DPY19L1: variants seen among roughly 807,000 people sequenced by gnomAD.
The protein encoded by DPY19L1 is dpy-19 like C-mannosyltransferase 1, also known as protein C-mannosyl-transferase DPY19L1.
In DPY19L1, 35 loss-of-function variants were observed where a neutral mutation model predicts 96.9. The ratio of observed to expected loss-of-function variants is 0.36; its 90% CI spans 0.28 to 0.48. The LOEUF (loss-of-function observed/expected upper bound fraction) is 0.48, where lower values mean the gene tolerates loss of function less well. Among genes scored for constraint, DPY19L1 ranks in the 20% least tolerant of loss-of-function variants. DPY19L1 has a pLI of 0.99. For synonymous variants in DPY19L1, 205 were observed against 252.6 expected (o/e 0.81, Z 1.79); for missense variants, 521 against 777.9 (o/e 0.67, Z 3.93).
chr7:35,002,642 T>C (rs1317848275), intron 6 of DPY19L1, among the ~76,000 whole-genome samples: 21 of 140,426 alleles, frequency 1.5e-4, no homozygotes, highest in Non-Finnish European at 8.2e-5. Flanking sequence ...TTCAGAACCA[T>C]AGAGACAAAG....
At chr7:34,965,895 T>C (rs1189616212) in intron 10 of DPY19L1, among the ~76,000 whole-genome samples, 2 of 152,160 alleles carry the variant, frequency 1.3e-5, no homozygotes, top group African/African-American at 4.8e-5. Context: ...TCCTTCTCCT[T>C]CTTCCAATCT....
chr7:34,995,145 T>A (rs893937733), intron 6 of DPY19L1, among the ~76,000 whole-genome samples: 1 of 152,164 alleles, frequency 6.6e-6, no homozygotes, highest in African/African-American at 2.4e-5. Context: ...ATGATGTGAC[T>A]TGAAACAAAT....
In DPY19L1 at chr7:35,015,565, T is replaced by C. The variant is rs563467069; in HGVS notation, c.412-1860A>G. Among the ~76,000 whole-genome samples the C allele has an allele frequency of 7.2e-5, 11 of 152,382 alleles. No individual in the cohort carries two copies. In the East Asian group the frequency reaches 2.1e-3, roughly 29 times the overall value. ...CCATAGCAACCTCTGGAAGTTACCCTGTATGGTCTGAAAGAGGGAGGAATC... is the reference window on the plus strand; with the variant it reads ...CCATAGCAACCTCTGGAAGTTACCCCGTATGGTCTGAAAGAGGGAGGAATC... On this transcript the variant is annotated intron_variant, in intron 3 of 21. Transcript: ENST00000638088.
chr7:34,967,745 C>T (rs1313137000), intron 9 of DPY19L1, among the ~76,000 whole-genome samples: 3 of 152,114 alleles, frequency 2.0e-5, no homozygotes, highest in Admixed American at 1.3e-4. Context: ...AAACAGATTG[C>T]AAAATAGCTG....
intron 9 of DPY19L1, among the ~76,000 whole-genome samples, chr7:34,968,552 C>T (rs968323583): frequency 6.6e-6 from 1 of 151,982 alleles, no homozygotes; most frequent in African/African-American, 2.4e-5. Flanking sequence ...GGGTGGATCA[C>T]GAAGTCAGGA....
chr7:34,994,526 C>T (rs897914695), intron 6 of DPY19L1, among the ~76,000 whole-genome samples: 2 of 152,122 alleles, frequency 1.3e-5, no homozygotes, highest in South Asian at 2.1e-4. Context: ...AATTCCCTGG[C>T]GGGGCGCGGT....
chr7:34,960,294 AAAGC>A (rs1241894157), intron 10 of DPY19L1, among the ~76,000 whole-genome samples: 3 of 152,050 alleles, frequency 2.0e-5, no homozygotes, highest in Non-Finnish European at 2.9e-5. Flanking sequence ...TTCAGATCCC[AAAGC>A]AATACATGTT....
chr7:34,963,697 C>CGT (rs145986243), intron 10 of DPY19L1, among the ~76,000 whole-genome samples: 5 of 150,280 alleles, frequency 3.3e-5, no homozygotes, highest in African/African-American at 7.4e-5. Context: ...TAAGCAGAAT[C>CGT]GTGTGTGTGT....
At chr7:34,945,207 G>T (rs766142790) in intron 16 of DPY19L1, among the ~76,000 whole-genome samples, 20 of 151,788 alleles carry the variant, frequency 1.3e-4, no homozygotes, top group African/African-American at 4.8e-4. Context: ...TAACTCTCAG[G>T]TTATAAACAA....
At position 34,930,428 on chromosome 7, in the gene DPY19L1, G is replaced by C. The variant is rs1164681941; in HGVS notation, c.*1145C>G. ...TACTTATTCCTTATACTGAAATGAT[G>C]GTTTTTAGAACCAAAATTATAACAT... is the stretch of plus-strand genomic sequence containing the variant. On this transcript the variant is annotated 3_prime_UTR_variant, in exon 22 of 22. Coordinates refer to ENST00000638088, the MANE Select transcript of DPY19L1 (RefSeq NM_001366673.1). 1 of 151,994 alleles carries C rather than the reference G, an allele frequency of 6.6e-6. No individual in the cohort carries two copies. The highest frequency in any genetic ancestry group is 2.1e-4 in the South Asian group (1 of 4,828). The allele number at this position is 151,994 out of a possible 1,614,324, so 9.4% of individuals were successfully genotyped here. A position where few individuals can be genotyped will look rare whatever the true frequency, so the allele number is the denominator to read the frequency against.
chr7:34,961,304 G>C (rs1311571936), intron 10 of DPY19L1, among the ~76,000 whole-genome samples: 1 of 152,166 alleles, frequency 6.6e-6, no homozygotes, highest in Non-Finnish European at 1.5e-5. Context: ...GACACAAACA[G>C]ATCAAGGGAA....
Position 34,985,950 on chromosome 7 carries a change from A to G in DPY19L1, c.822+3934T>C, listed in dbSNP as rs1785037760. 2.0e-5 allele frequency among the ~76,000 whole-genome samples: 3 copies of G among 152,172 alleles called. No homozygotes were observed. In the South Asian group the frequency reaches 6.2e-4, roughly 32 times the overall value. On this transcript the variant is annotated intron_variant, in intron 7 of 21. Transcript: ENST00000638088. ...TTAATAAGGAAAATTTGCTATACAT[A>G]CACAACGGAATATGACACAGCCTTA...
intron 5 of DPY19L1, among the ~76,000 whole-genome samples, chr7:35,011,062 T>C (rs1347423277): frequency 6.6e-6 from 1 of 152,184 alleles, no homozygotes; most frequent in Non-Finnish European, 1.5e-5. Context: ...CAGTCCTCCA[T>C]GCCCAGGAGC....
At chr7:35,036,804 C>T (rs1441269077) in intron 1 of DPY19L1, among the ~76,000 whole-genome samples, 1 of 152,018 alleles carries the variant, frequency 6.6e-6, no homozygotes, top group Non-Finnish European at 1.5e-5. Context: ...CGCAGACCTG[C>T]TGCCCGCGGC....
intron 1 of DPY19L1, among the ~76,000 whole-genome samples, chr7:35,021,168 T>C (rs572710796): frequency 6.6e-6 from 1 of 152,344 alleles, no homozygotes; most frequent in Admixed American, 6.5e-5. Flanking sequence ...GGTGGTATAG[T>C]GGTGAGCATA....
intron 10 of DPY19L1, among the ~76,000 whole-genome samples, chr7:34,964,232 A>G (rs926716611): frequency 3.9e-5 from 6 of 152,122 alleles, no homozygotes; most frequent in Admixed American, 3.9e-4. Context: ...TAAGTCATAT[A>G]ATAAAGTATG....
chr7:34,948,814 T>C (rs1447076309), intron 14 of DPY19L1, among the ~76,000 whole-genome samples: 1 of 152,250 alleles, frequency 6.6e-6, no homozygotes, highest in Non-Finnish European at 1.5e-5. Flanking sequence ...AGCCACTGTG[T>C]GTCAAAACCA....
chr7:34,975,236 T>C (rs1430024009), intron 7 of DPY19L1, among the ~76,000 whole-genome samples: 19 of 152,236 alleles, frequency 1.2e-4, no homozygotes, highest in Admixed American at 1.2e-3. Context: ...AGGCCTCTTA[T>C]GCCTAACAGT....
intron 1 of DPY19L1, among the ~76,000 whole-genome samples, chr7:35,021,000 C>T (rs889289743): frequency 8.5e-5 from 13 of 152,196 alleles, no homozygotes; most frequent in African/African-American, 3.1e-4. Flanking sequence ...TGAGCCACCA[C>T]ACCCGGCCCT....
Sources: allele counts gnomAD v4.1 joint callset (sites outside exome capture counted in the v4.1 genomes callset), GRCh38; gene constraint gnomAD v4.1.1; transcripts MANE v1.5; gene names NCBI Gene and HGNC (gene_info 2026-07-23, HGNC 2026-07-21).